Variants in ATXN7L1 observed in about 807,000 individuals in gnomAD.
ATXN7L1 encodes the protein ataxin-7-like protein 1.
In ATXN7L1, 15 loss-of-function variants were observed where a neutral mutation model predicts 70.8. The observed-to-expected ratio is 0.21, with a 90% CI of 0.14 to 0.33. The LOEUF (loss-of-function observed/expected upper bound fraction) is 0.33. Ranked by LOEUF, ATXN7L1 falls within the 10% of genes least tolerant of loss-of-function variation. ATXN7L1 has a pLI of 1.00. For synonymous variants in ATXN7L1, 440 were observed against 445.1 expected (o/e 0.99, Z 0.14); for missense variants, 975 against 1,097.1 (o/e 0.89, Z 1.57).
chr7:105,703,269 C>T (rs1174391413), intron 3 of ATXN7L1, among the ~76,000 whole-genome samples: 4 of 149,758 alleles, frequency 2.7e-5, no homozygotes, highest in Admixed American at 2.0e-4. Context: ...CCCGTCATTC[C>T]ACTCCAGCAT....
chr7:105,876,239 T>G, intron 1 of ATXN7L1, 139 bp downstream of exon 1: 1 of 1,151,056 alleles, frequency 8.7e-7, no homozygotes, highest in Non-Finnish European at 1.2e-6. Flanking sequence ...CTGTGTGTAT[T>G]TATTTAGAGA....
At chr7:105,856,646 C>A (rs765245458) in intron 2 of ATXN7L1, among the ~76,000 whole-genome samples, 1 of 150,858 alleles carries the variant, frequency 6.6e-6, no homozygotes, top group Non-Finnish European at 1.5e-5. Context: ...TGCTAAACAG[C>A]TTTTTTAAAT....
At chr7:105,632,652 G>C (rs908831690) in intron 7 of ATXN7L1, among the ~76,000 whole-genome samples, 8 of 152,144 alleles carry the variant, frequency 5.3e-5, no homozygotes, top group African/African-American at 1.9e-4. Context: ...GCTGAGTGCA[G>C]TGGTTCACAT....
chr7:105,628,273 A>G (rs1796038652), intron 7 of ATXN7L1, among the ~76,000 whole-genome samples: 1 of 152,124 alleles, frequency 6.6e-6, no homozygotes, highest in African/African-American at 2.4e-5. Flanking sequence ...TTAATAAGTA[A>G]CTGTTAAAGC....
At chr7:105,709,166 C>G (rs1793560531) in intron 3 of ATXN7L1, among the ~76,000 whole-genome samples, 1 of 152,076 alleles carries the variant, frequency 6.6e-6, no homozygotes, top group African/African-American at 2.4e-5. Context: ...AACCTTGTCT[C>G]TACTAAAAAT....
At chr7:105,816,217 T>TA (rs2116552454) in intron 2 of ATXN7L1, among the ~76,000 whole-genome samples, 2 of 152,234 alleles carry the variant, frequency 1.3e-5, no homozygotes, top group South Asian at 4.2e-4. Context: ...TTAGAGGGGT[T>TA]AATACCAGAA....
intron 2 of ATXN7L1, among the ~76,000 whole-genome samples, chr7:105,862,611 G>A (rs887256903): frequency 8.6e-5 from 13 of 152,038 alleles, no homozygotes; most frequent in African/African-American, 3.1e-4. Context: ...GCCCATCGAA[G>A]GTCACCTGAA....
chr7:105,682,364 T>A (rs1298519094), intron 3 of ATXN7L1, among the ~76,000 whole-genome samples: 1 of 152,240 alleles, frequency 6.6e-6, no homozygotes, highest in Non-Finnish European at 1.5e-5. Flanking sequence ...TTCACCAAAA[T>A]TAATTTTTTA....
At chr7:105,641,029 A>G (rs1311613770) in intron 5 of ATXN7L1, among the ~76,000 whole-genome samples, 1 of 152,204 alleles carries the variant, frequency 6.6e-6, no homozygotes, top group East Asian at 1.9e-4. Flanking sequence ...CTCAGATTAT[A>G]CCATAATAAA....
chr7:105,647,261 C>A (rs1029458859), intron 4 of ATXN7L1, among the ~76,000 whole-genome samples: 4 of 152,156 alleles, frequency 2.6e-5, no homozygotes, highest in African/African-American at 9.7e-5. Flanking sequence ...GTGAAAAATG[C>A]CCTATGTAGA....
intron 2 of ATXN7L1, among the ~76,000 whole-genome samples, chr7:105,806,013 A>G (rs1807537114): frequency 6.6e-6 from 1 of 152,178 alleles, no homozygotes; most frequent in African/African-American, 2.4e-5. Context: ...GGGCTGCTGC[A>G]GGGTCTGGGG....
chr7:105,826,684 A>G (rs74301034), intron 2 of ATXN7L1, among the ~76,000 whole-genome samples: 9,004 of 152,188 alleles, frequency 0.059, 472 homozygotes, highest in East Asian at 0.22. Flanking sequence ...GGCCACCAAG[A>G]AAAAAACAAA....
intron 2 of ATXN7L1, chr7:105,820,185 C>T (rs1219462440): frequency 3.6e-6 from 1 of 275,030 alleles, no homozygotes; most frequent in African/African-American, 2.3e-5. Flanking sequence ...GTCCTTCACC[C>T]CATCTGTTCC....
At chr7:105,872,603 T>A (rs1258519449) in intron 2 of ATXN7L1, among the ~76,000 whole-genome samples, 1 of 152,046 alleles carries the variant, frequency 6.6e-6, no homozygotes, top group Non-Finnish European at 1.5e-5. Flanking sequence ...TTATATGAGG[T>A]ATCAGAATAG....
At chr7:105,642,641 A>T (rs1353410747) in intron 5 of ATXN7L1, among the ~76,000 whole-genome samples, 197 bp downstream of exon 5, 3 of 152,218 alleles carry the variant, frequency 2.0e-5, no homozygotes, top group African/African-American at 7.2e-5. Context: ...TGAGTGAGGG[A>T]CTTCATCTGC....
At chr7:105,856,039 T>C (rs1322635587) in intron 2 of ATXN7L1, among the ~76,000 whole-genome samples, 2 of 152,198 alleles carry the variant, frequency 1.3e-5, no homozygotes, top group Non-Finnish European at 2.9e-5. Context: ...GGACATATTC[T>C]TTTAGTACTT....
intron 3 of ATXN7L1, among the ~76,000 whole-genome samples, chr7:105,725,428 G>T (rs1024777687): frequency 2.6e-5 from 4 of 152,146 alleles, no homozygotes; most frequent in Non-Finnish European, 5.9e-5. Context: ...CTAACCTTTA[G>T]AAAAATCTAT....
chr7:105,767,834 T>C (rs1801481544), intron 3 of ATXN7L1, among the ~76,000 whole-genome samples: 1 of 152,214 alleles, frequency 6.6e-6, no homozygotes, highest in South Asian at 2.1e-4. Context: ...GCAGCCCATG[T>C]GGGCACTGGC....
At chr7:105,865,064 C>T (rs905745747) in intron 2 of ATXN7L1, among the ~76,000 whole-genome samples, 6 of 152,314 alleles carry the variant, frequency 3.9e-5, no homozygotes, top group East Asian at 1.9e-4. Flanking sequence ...GGGCATCCCC[C>T]GGAGCAGTAA....
Sources: allele counts gnomAD v4.1 joint callset (sites outside exome capture counted in the v4.1 genomes callset), GRCh38; gene constraint gnomAD v4.1.1; transcripts MANE v1.5; gene names NCBI Gene and HGNC (gene_info 2026-07-23, HGNC 2026-07-21).